Variants in SEC31B observed in about 807,000 individuals in gnomAD.
The protein encoded by SEC31B is SEC31 homolog B, COPII component.
A neutral mutation model predicts 135.0 loss-of-function variants in SEC31B; 113 were observed. The ratio of observed to expected loss-of-function variants is 0.84; its 90% CI spans 0.72 to 0.98. SEC31B has a LOEUF of 0.98. Ranked by LOEUF, SEC31B falls within the 50% of genes least tolerant of loss-of-function variation. The pLI is 0.00. For missense variants in SEC31B, 1,296 were observed against 1,421.1 expected (o/e 0.91, Z 1.42); for synonymous variants, 508 against 549.4 (o/e 0.92, Z 1.05).
Position 100,490,074 on chromosome 10 carries a change from G to C in SEC31B, c.2899C>G (p.Pro967Ala). The C allele has an allele frequency of 6.4e-7, 1 of 1,570,178 alleles. No individual in the cohort carries two copies. Among genetic ancestry groups the C allele is most frequent in the Non-Finnish European group, 8.6e-7 (1 of 1,161,694 alleles). ...GAGCATGGGGCACCTGGGTCCCCTG[G>C]AAGGTATGGCACAGGGAAGCTTGCA... ...PPASFPVPYL[P>A]GDPGAPCSSV... The change falls in exon 21 of 26, where the codon CCA becomes GCA. Residue 967 changes from proline to alanine, a missense_variant. By Grantham distance (27) the Pro-to-Ala change is conservative. Coordinates refer to ENST00000370345, the MANE Select transcript of SEC31B (RefSeq NM_015490.4).
intron 19 of SEC31B, 61 bp from the exon 20 acceptor site, chr10:100,490,944 C>A: frequency 8.2e-7 from 1 of 1,217,496 alleles, no homozygotes; most frequent in Non-Finnish European, 1.1e-6. Context: ...TAATAGAAAA[C>A]AGAAAAATAA....
At chr10:100,507,137 A>T (rs1851647496) in intron 7 of SEC31B, among the ~76,000 whole-genome samples, 1 of 152,198 alleles carries the variant, frequency 6.6e-6, no homozygotes, top group East Asian at 1.9e-4. Context: ...CATTATCCTC[A>T]TATCAGAGCC....
At position 100,496,303 on chromosome 10, in the gene SEC31B, G is replaced by T. The variant is rs781225682; in HGVS notation, c.2265C>A (p.Gly755=). ...GAAAGCTCATGGCAGTGGCCAGGCT[G>T]CCCTGGGCTGCCAGGAGGTTGGCAT... The part of the protein sequence containing the change: ...TQYANLLAAQ[G]SLATAMSFLP... The change falls in exon 18 of 26, where the codon GGC becomes GGA. Residue 755 remains glycine (G), a synonymous_variant. Transcript: ENST00000370345. 6.2e-7 allele frequency: 1 copy of T among 1,614,106 alleles called. No individual in the cohort carries two copies. The highest frequency in any genetic ancestry group is 1.3e-5 in the African/African-American group (1 of 74,944).
rs1282360004 is a variant in SEC31B, at chr10:100,507,441, G to A, written c.766C>T (p.Leu256=). The A allele has an allele frequency of 6.2e-7, 1 of 1,614,080 alleles. No individual in the cohort carries two copies. Among genetic ancestry groups the A allele is most frequent in the Non-Finnish European group, 8.5e-7 (1 of 1,180,034 alleles). Residue 256 remains leucine (L), a synonymous_variant, in exon 7 of 26, where the codon CTG becomes TTG. Transcript: ENST00000370345. ...AGATGCTACCTGCTGTGGCTCTCCAGCACCTTCAAGGGCGAGGAGGCAAAG... is the reference window on the plus strand; with the variant it reads ...AGATGCTACCTGCTGTGGCTCTCCAACACCTTCAAGGGCGAGGAGGCAAAG... ...LRFASSPLKV[L]ESHSRGILSV...
At chr10:100,507,844 T>C in intron 6 of SEC31B, 64 bp downstream of exon 6, 1 of 1,607,806 alleles carries the variant, frequency 6.2e-7, no homozygotes, top group Non-Finnish European at 8.5e-7. Flanking sequence ...GCAGAGCAGC[T>C]CTAACTGCTA....
Position 100,495,397 on chromosome 10 carries a change from C to T in SEC31B, c.2460G>A (p.Gln820=). ...AACGAGGTCTTACCTGGTGAGAAGG[C>T]TGGGATCCCAATCTGTAAGATGATG... The part of the protein sequence containing the change: ...KETSSYRLGS[Q]PSHQVPTPSP... The change falls in exon 19 of 26, where the codon CAG becomes CAA. Residue 820 remains glutamine (Q), a synonymous_variant. Coordinates refer to ENST00000370345, the MANE Select transcript of SEC31B (RefSeq NM_015490.4). 1 of 1,613,626 alleles carries T rather than the reference C, an allele frequency of 6.2e-7. No individual in the cohort carries two copies. The highest frequency in any genetic ancestry group is 8.5e-7 in the Non-Finnish European group (1 of 1,179,908).
intron 10 of SEC31B, among the ~76,000 whole-genome samples, chr10:100,503,550 C>T (rs1274448303): frequency 6.6e-6 from 1 of 151,842 alleles, no homozygotes; most frequent in African/African-American, 2.4e-5. Context: ...TCTCCTGCCT[C>T]AGCCTCCCAA....
In SEC31B at chr10:100,497,189, C is replaced by A; in HGVS notation, c.2082G>T (p.Arg694=). 6.2e-7 allele frequency: 1 copy of A among 1,614,104 alleles called. No homozygotes were observed. Among genetic ancestry groups the A allele is most frequent in the Non-Finnish European group, 8.5e-7 (1 of 1,179,994 alleles). The change falls in exon 17 of 26, where the codon CGG becomes CGT. Residue 694 remains arginine (R), a synonymous_variant. Transcript: ENST00000370345. ...LCYVCSGSVE[R]LVECWAKCHQ... ...GGCATTTTGCCCAGCACTCCACCAG[C>A]CGCTCCACACTCCCTGAGCACACAT...
At chr10:100,506,241 A>G in intron 8 of SEC31B, 40 bp from the exon 9 acceptor site, 1 of 1,613,958 alleles carries the variant, frequency 6.2e-7, no homozygotes, top group Non-Finnish European at 8.5e-7. Context: ...AGTCCATGAA[A>G]CCCAAAACAC....
rs1032372526 is a variant in SEC31B, at chr10:100,490,609, G to C, written c.2650+97C>G. On this transcript the variant is annotated intron_variant, in intron 20 of 25. Coordinates refer to ENST00000370345, the MANE Select transcript of SEC31B (RefSeq NM_015490.4). ...TTCAACTTCCAAGCTCCTCTCACTA[G>C]ACAGACATACAGCTTCCCAAATCCA... 8.4e-5 allele frequency: 105 copies of C among 1,254,940 alleles called. No homozygotes were observed. In the East Asian group the frequency reaches 2.7e-3, roughly 32 times the overall value. 77.7% of individuals were successfully genotyped at this position (1,254,940 alleles called of 1,614,324 possible).
In SEC31B at chr10:100,490,017, G is replaced by T; in HGVS notation, c.2956C>A (p.Pro986Thr). ...TGGAAGGAAGACTGACCTGGGTGAG[G>T]AGTCAAGATGCCAGTGGTTGGGAGG... ...SVLPTTGILTPHPGPQDSWKE... is the reference protein window; with the variant it reads ...SVLPTTGILTTHPGPQDSWKE... Residue 986 changes from proline to threonine, a missense_variant, in exon 21 of 26, where the codon CCT becomes ACT. Pro to Thr is a conservative substitution (Grantham distance 38). Coordinates refer to ENST00000370345, the MANE Select transcript of SEC31B (RefSeq NM_015490.4). 2 of 1,542,688 alleles carry T rather than the reference G, an allele frequency of 1.3e-6. No homozygotes were observed. The highest frequency in any genetic ancestry group is 1.4e-5 in the African/African-American group (1 of 72,466).
intron 25 of SEC31B, 73 bp downstream of exon 25, chr10:100,487,954 A>G: frequency 6.5e-7 from 1 of 1,549,840 alleles, no homozygotes; most frequent in Non-Finnish European, 8.9e-7. Flanking sequence ...GGAAGAAAAG[A>G]CACTGGGCTT....
chr10:100,514,551 A>G (rs1285813104), intron 3 of SEC31B, among the ~76,000 whole-genome samples: 1 of 151,646 alleles, frequency 6.6e-6, no homozygotes, highest in Admixed American at 6.6e-5. Context: ...AAATACAAAG[A>G]GATGTAAAAA....
chr10:100,516,395 C>T (rs906329602), intron 2 of SEC31B, among the ~76,000 whole-genome samples, 176 bp from the exon 3 acceptor site: 2 of 152,040 alleles, frequency 1.3e-5, no homozygotes, highest in Non-Finnish European at 2.9e-5. Flanking sequence ...CGCCTGTAAT[C>T]CCAACATTTT....
Position 100,490,313 on chromosome 10 carries a change from T to A in SEC31B, c.2660A>T (p.Gln887Leu), listed in dbSNP as rs1755481750. 1.2e-6 allele frequency: 2 copies of A among 1,612,910 alleles called. No individual in the cohort carries two copies. Among genetic ancestry groups the A allele is most frequent in the Non-Finnish European group, 1.7e-6 (2 of 1,179,418 alleles). The change falls in exon 21 of 26, where the codon CAG (glutamine) becomes CTG (leucine). Residue 887 changes from glutamine to leucine, a missense_variant. Coordinates refer to ENST00000370345, the MANE Select transcript of SEC31B (RefSeq NM_015490.4). ...CCTTTGCCCTCCTAATAGCTGTGGC[T>A]GAGATGAAGCTGAAGCAGAACAGAA... ...LSPGVRPASS[Q>L]PQLLGGQRVQ...
chr10:100,496,357 G>A lies in SEC31B; in HGVS notation c.2211C>T (p.Gly737=), dbSNP rs1851408571. The A allele has an allele frequency of 2.5e-6, 4 of 1,614,090 alleles. No individual in the cohort carries two copies. Among genetic ancestry groups the A allele is most frequent in the African/African-American group, 1.3e-5 (1 of 74,932 alleles). Residue 737 remains glycine, a synonymous_variant, in exon 18 of 26, where the codon GGC becomes GGT. Coordinates refer to ENST00000370345, the MANE Select transcript of SEC31B (RefSeq NM_015490.4). Reference sequence around the variant, plus strand: ...GAGTGACCCTGTAGGTTGTGGCAGGGCCTGGGCTCACCCCATGAGGACCCC... The same window carrying A: ...GAGTGACCCTGTAGGTTGTGGCAGGACCTGGGCTCACCCCATGAGGACCCC... The part of the protein sequence containing the change: ...QLRGPHGVSP[G]PATTYRVTQY...
chr10:100,504,194 A>T (rs1851581782), intron 10 of SEC31B, among the ~76,000 whole-genome samples: 1 of 152,228 alleles, frequency 6.6e-6, no homozygotes, highest in Non-Finnish European at 1.5e-5. Context: ...GAGCTATGAT[A>T]AGAATTCAGG....
rs901533292 is a variant in SEC31B at position 100,514,089 on chromosome 10, G to A, written c.203+2007C>T. 3.3e-5 allele frequency among the ~76,000 whole-genome samples: 5 copies of A among 151,982 alleles called. 1 individual carries two copies. Among genetic ancestry groups the A allele is most frequent in the Admixed American group, 3.3e-4 (5 of 15,262 alleles). Reference sequence around the variant, plus strand: ...AATCCCAGCTACTCGGGAGGCTGAGGCAGGAGAACTGCTTGAATGCAGGAG... The same window carrying A: ...AATCCCAGCTACTCGGGAGGCTGAGACAGGAGAACTGCTTGAATGCAGGAG... On this transcript the variant is annotated intron_variant, in intron 3 of 25. Coordinates refer to ENST00000370345, the MANE Select transcript of SEC31B (RefSeq NM_015490.4).
At chr10:100,515,714 A>G (rs11190589) in intron 3 of SEC31B, among the ~76,000 whole-genome samples, 33,520 of 152,122 alleles carry the variant, frequency 0.22, 3,842 homozygotes, top group African/African-American at 0.25. Context: ...TAAAAGCAAT[A>G]AGGAGAGGAT....
Sources: allele counts gnomAD v4.1 joint callset (sites outside exome capture counted in the v4.1 genomes callset), GRCh38; gene constraint gnomAD v4.1.1; transcripts MANE v1.5; gene names NCBI Gene and HGNC (gene_info 2026-07-23, HGNC 2026-07-21).